Variants in PRRC2C observed in about 807,000 individuals in gnomAD.
PRRC2C encodes the protein protein PRRC2C.
A neutral mutation model predicts 317.2 loss-of-function variants in PRRC2C; 72 were observed. That is an observed-to-expected ratio of 0.23 (90% confidence interval 0.19 to 0.28). The LOEUF is 0.28. Ranked by LOEUF, PRRC2C falls within the 10% of genes least tolerant of loss-of-function variation. The pLI, the probability that PRRC2C is intolerant of heterozygous loss-of-function variation, is 1.00. For synonymous variants in PRRC2C, 1,296 were observed against 1,205.9 expected, an observed-to-expected ratio of 1.07 and a Z score of -1.55; for missense variants, 3,074 against 3,459.7, an observed-to-expected ratio of 0.89 and a Z score of 2.80.
At chr1:171,574,453 C>G (rs1244701257) in intron 24 of PRRC2C, among the ~76,000 whole-genome samples, 1 of 152,162 alleles carries the variant, frequency 6.6e-6, no homozygotes, top group Admixed American at 6.5e-5. Context: ...ATGGTTACAT[C>G]TGGTGGTACA....
chr1:171,545,063 A>G (rs893418489), intron 16 of PRRC2C, among the ~76,000 whole-genome samples: 1 of 152,346 alleles, frequency 6.6e-6, no homozygotes, highest in Admixed American at 6.5e-5. Flanking sequence ...ACATAGTTGT[A>G]AATATAGAAT....
chr1:171,573,975 C>T (rs1320044618), intron 24 of PRRC2C, among the ~76,000 whole-genome samples: 1 of 151,854 alleles, frequency 6.6e-6, no homozygotes, highest in African/African-American at 2.4e-5. Flanking sequence ...CCGCACCCGG[C>T]CTCTATTTCT....
At chr1:171,547,846 T>G (rs1346677111) in intron 17 of PRRC2C, among the ~76,000 whole-genome samples, 1 of 151,976 alleles carries the variant, frequency 6.6e-6, no homozygotes, top group Non-Finnish European at 1.5e-5. Flanking sequence ...TAGTAGAGGG[T>G]TTCGCCATGT....
At chr1:171,587,606 G>A (rs1650343353) in intron 31 of PRRC2C, 42 bp from the exon 32 acceptor site, 1 of 1,370,794 alleles carries the variant, frequency 7.3e-7, no homozygotes, top group Non-Finnish European at 1.0e-6. Context: ...CTTAGCTTGT[G>A]GAATTAAAGA....
chr1:171,535,438 C>T lies in PRRC2C; in HGVS notation c.1884C>T (p.Pro628=), dbSNP rs184005312. The T allele has an allele frequency of 5.3e-5, 85 of 1,612,258 alleles. No homozygotes were observed. The South Asian group carries it at 7.5e-4, about 14-fold the overall frequency. ...CTTTTCTTTGAGCAGAGGAGGAACC[C>T]GTTTTCACTAGACAAGACAGCAATC... ...SENSCNKEEE[P]VFTRQDSNRS... Residue 628 remains proline, a synonymous_variant, in exon 13 of 35, where the codon CCC becomes CCT. Coordinates refer to ENST00000647382, the MANE Select transcript of PRRC2C (RefSeq NM_001387844.1).
intron 10 of PRRC2C, 51 bp from the exon 11 acceptor site, chr1:171,527,740 A>T: frequency 6.7e-7 from 1 of 1,482,608 alleles, no homozygotes; most frequent in Non-Finnish European, 9.2e-7. Flanking sequence ...TGGGCAACAG[A>T]GCAAGACTGT....
intron 22 of PRRC2C, among the ~76,000 whole-genome samples, chr1:171,567,245 T>C (rs1396305459): frequency 6.6e-6 from 1 of 152,202 alleles, no homozygotes; most frequent in Non-Finnish European, 1.5e-5. Flanking sequence ...CAGTTTTTTT[T>C]CATAGTTGGA....
At chr1:171,544,776 C>T (rs1678728955) in intron 16 of PRRC2C, among the ~76,000 whole-genome samples, 1 of 152,072 alleles carries the variant, frequency 6.6e-6, no homozygotes, top group African/African-American at 2.4e-5. Flanking sequence ...AAGAAATGAA[C>T]TCATTCTTAA....
intron 26 of PRRC2C, 113 bp downstream of exon 26, chr1:171,577,750 G>T: frequency 1.8e-5 from 14 of 758,356 alleles, no homozygotes; most frequent in South Asian, 1.0e-4. Context: ...AAAGTACATT[G>T]CTGTAAATAT....
At chr1:171,533,054 T>C in intron 12 of PRRC2C, 93 bp downstream of exon 12, 1 of 1,243,452 alleles carries the variant, frequency 8.0e-7, no homozygotes, top group Non-Finnish European at 1.1e-6. Flanking sequence ...ATATATGTAA[T>C]CAATATAAAA....
intron 18 of PRRC2C, 63 bp downstream of exon 18, chr1:171,550,303 A>C: frequency 1.4e-6 from 2 of 1,416,920 alleles, no homozygotes; most frequent in Non-Finnish European, 1.9e-6. Context: ...TGTATCAGCA[A>C]ATGTTCAAGG....
At chr1:171,544,114 T>TC in intron 16 of PRRC2C, among the ~76,000 whole-genome samples, 1 of 152,176 alleles carries the variant, frequency 6.6e-6, no homozygotes, top group East Asian at 1.9e-4. Context: ...ACATGAACTT[T>TC]TTTTTTTTTA....
chr1:171,562,433 TC>T (rs1301747829), intron 20 of PRRC2C, among the ~76,000 whole-genome samples: 1 of 152,204 alleles, frequency 6.6e-6, no homozygotes, highest in Non-Finnish European at 1.5e-5. Context: ...TTCTGGGTTG[TC>T]TGTGAAAAAT....
At chr1:171,506,878 C>A (rs1462972981) in intron 1 of PRRC2C, among the ~76,000 whole-genome samples, 2 of 151,938 alleles carry the variant, frequency 1.3e-5, no homozygotes, top group Non-Finnish European at 2.9e-5. Context: ...TGTATTCAAT[C>A]TTTAGCTTGT....
At chr1:171,589,311 T>G (rs1317508727) in intron 33 of PRRC2C, 58 bp from the exon 34 acceptor site, 6 of 533,714 alleles carry the variant, frequency 1.1e-5, no homozygotes, top group Middle Eastern at 1.0e-3. Flanking sequence ...GTTGGCAGTT[T>G]TTTTTTTTTT....
intron 1 of PRRC2C, among the ~76,000 whole-genome samples, chr1:171,487,468 G>A (rs1224186779): frequency 1.3e-5 from 2 of 152,188 alleles, no homozygotes; most frequent in African/African-American, 2.4e-5. Flanking sequence ...TAAGGTTAAA[G>A]TTTTGAAAGT....
intron 9 of PRRC2C, among the ~76,000 whole-genome samples, chr1:171,523,978 G>T (rs1335644376): frequency 6.6e-6 from 1 of 151,928 alleles, no homozygotes; most frequent in African/African-American, 2.4e-5. Flanking sequence ...GGAGGTTGCA[G>T]TGAGCCAAGA....
chr1:171,488,781 T>C (rs1666583515), intron 1 of PRRC2C, among the ~76,000 whole-genome samples: 1 of 152,214 alleles, frequency 6.6e-6, no homozygotes, highest in Non-Finnish European at 1.5e-5. Flanking sequence ...CAGACATGAT[T>C]AACTAGACTC....
chr1:171,579,688 T>C, intron 27 of PRRC2C, 140 bp from the exon 28 acceptor site: 1 of 1,286,270 alleles, frequency 7.8e-7, no homozygotes, highest in South Asian at 1.8e-5. Context: ...GATGTTTACA[T>C]TCAGTTTTGT....
Sources: allele counts gnomAD v4.1 joint callset (sites outside exome capture counted in the v4.1 genomes callset), GRCh38; gene constraint gnomAD v4.1.1; transcripts MANE v1.5; gene names NCBI Gene and HGNC (gene_info 2026-07-23, HGNC 2026-07-21).